The following DLGAP1 variants were observed in gnomAD, a reference collection of about 807,000 sequenced individuals.
DLGAP1 encodes disks large-associated protein 1.
A neutral mutation model predicts 90.8 loss-of-function variants in DLGAP1; 11 were observed. The ratio of observed to expected loss-of-function variants is 0.12; its 90% CI spans 0.08 to 0.20. The LOEUF is 0.20. Among genes scored for constraint, DLGAP1 ranks in the 10% least tolerant of loss-of-function variants. The probability of loss-of-function intolerance (pLI) is 1.00; values close to 1 mark genes in which losing one functional copy is unlikely to be tolerated. For synonymous variants in DLGAP1, 558 were observed against 540.7 expected (o/e 1.03, Z -0.44); for missense variants, 1,050 against 1,333.8 (o/e 0.79, Z 3.31).
chr18:4,341,023 C>T lies in DLGAP1; in HGVS notation c.-267+113983G>A, dbSNP rs115121135. 8.9e-3 allele frequency among the ~76,000 whole-genome samples: 1,355 copies of T among 151,740 alleles called. 22 individuals carry two copies. The highest frequency in any genetic ancestry group is 0.031 in the African/African-American group (1,280 of 41,320). ...ATAAGAGATTACATATGAAATAATG[C>T]TAGTTTTGATATTATTTAAGAGTTA... On this transcript the variant is annotated intron_variant, in intron 1 of 12. Transcript: ENST00000315677.
chr18:3,870,373 T>C (rs2070670123), intron 4 of DLGAP1, among the ~76,000 whole-genome samples: 1 of 152,210 alleles, frequency 6.6e-6, no homozygotes. Flanking sequence ...CACTTTACAA[T>C]ATTTCATGTA....
chr18:3,533,466 C>T (rs928892485), intron 10 of DLGAP1, among the ~76,000 whole-genome samples: 6 of 152,076 alleles, frequency 3.9e-5, no homozygotes, highest in Admixed American at 6.5e-5. Flanking sequence ...GCGGCCTATA[C>T]GTTATAAGCC....
intron 3 of DLGAP1, among the ~76,000 whole-genome samples, chr18:3,966,896 T>C (rs2073343476): frequency 6.6e-6 from 1 of 152,020 alleles, no homozygotes; most frequent in South Asian, 2.1e-4. Context: ...TGAGATCATC[T>C]AGGAATAGAG....
At chr18:3,700,013 G>C (rs1366158156) in intron 7 of DLGAP1, among the ~76,000 whole-genome samples, 2 of 152,214 alleles carry the variant, frequency 1.3e-5, no homozygotes, top group Non-Finnish European at 2.9e-5. Context: ...TCAGGCTGCT[G>C]TTCTGGCAAT....
chr18:3,784,516 T>C (rs1432445833), intron 5 of DLGAP1, among the ~76,000 whole-genome samples: 1 of 152,226 alleles, frequency 6.6e-6, no homozygotes, highest in East Asian at 1.9e-4. Context: ...TGTTCAGGTG[T>C]CCAAATGCTG....
intron 7 of DLGAP1, among the ~76,000 whole-genome samples, chr18:3,618,123 G>A (rs1345099568): frequency 6.6e-6 from 1 of 152,174 alleles, no homozygotes; most frequent in African/African-American, 2.4e-5. Flanking sequence ...TTTGACCAGA[G>A]TCTAACAAAG....
chr18:3,649,257 A>C (rs79664711), intron 7 of DLGAP1, among the ~76,000 whole-genome samples: 322 of 152,318 alleles, frequency 2.1e-3, no homozygotes, highest in African/African-American at 7.5e-3. Flanking sequence ...CTCAAAAAAC[A>C]GACTGGGGGA....
At chr18:4,406,372 T>C (rs939269602) in intron 1 of DLGAP1, among the ~76,000 whole-genome samples, 1 of 152,204 alleles carries the variant, frequency 6.6e-6, no homozygotes, top group African/African-American at 2.4e-5. Context: ...GAAGTCAGCA[T>C]GAATCAGCCT....
chr18:3,531,224 G>C (rs977755609), intron 10 of DLGAP1, among the ~76,000 whole-genome samples: 12 of 152,192 alleles, frequency 7.9e-5, no homozygotes, highest in African/African-American at 2.9e-4. Context: ...ATCACCTGAG[G>C]TCAGGAGTTC....
chr18:4,181,861 G>C (rs1028269649), intron 1 of DLGAP1, among the ~76,000 whole-genome samples: 1 of 152,092 alleles, frequency 6.6e-6, no homozygotes, highest in Non-Finnish European at 1.5e-5. Flanking sequence ...AGTAATAGCA[G>C]TACTACTAAT....
intron 3 of DLGAP1, among the ~76,000 whole-genome samples, chr18:4,002,983 G>T (rs9947160): frequency 0.14 from 20,640 of 152,168 alleles, 3,684 homozygotes; most frequent in African/African-American, 0.41. Flanking sequence ...GCCAGTTGAA[G>T]GTGGATTGTC....
At chr18:3,876,987 G>A (rs966183780) in intron 4 of DLGAP1, among the ~76,000 whole-genome samples, 1 of 152,110 alleles carries the variant, frequency 6.6e-6, no homozygotes, top group Non-Finnish European at 1.5e-5. Flanking sequence ...GGGCATATTA[G>A]AAAGAGCTTG....
At chr18:4,251,786 G>A (rs1294504082) in intron 1 of DLGAP1, among the ~76,000 whole-genome samples, 2 of 152,226 alleles carry the variant, frequency 1.3e-5, no homozygotes, top group Non-Finnish European at 2.9e-5. Context: ...TGCTACCCCT[G>A]CAGGAGGAAG....
At chr18:3,599,667 T>C (rs2145695387) in intron 7 of DLGAP1, among the ~76,000 whole-genome samples, 1 of 152,298 alleles carries the variant, frequency 6.6e-6, no homozygotes, top group East Asian at 1.9e-4. Context: ...GTTGTCAGGC[T>C]AGAGTGTAGT....
chr18:4,153,951 G>A (rs2076713682), intron 1 of DLGAP1, among the ~76,000 whole-genome samples: 2 of 152,170 alleles, frequency 1.3e-5, no homozygotes, highest in African/African-American at 4.8e-5. Context: ...GGTAAACCAT[G>A]GAGAAGGAAG....
chr18:4,394,860 G>A (rs923773002), intron 1 of DLGAP1, among the ~76,000 whole-genome samples: 1 of 152,090 alleles, frequency 6.6e-6, no homozygotes, highest in Admixed American at 6.6e-5. Context: ...CTCGTCTATT[G>A]AAAATAAGGC....
At chr18:3,846,846 T>C (rs1248273051) in intron 4 of DLGAP1, among the ~76,000 whole-genome samples, 2 of 152,052 alleles carry the variant, frequency 1.3e-5, no homozygotes, top group African/African-American at 4.8e-5. Flanking sequence ...CTTATTGGAG[T>C]GAAGAAAATA....
intron 6 of DLGAP1, among the ~76,000 whole-genome samples, chr18:3,734,760 T>C (rs1268634099): frequency 2.6e-5 from 4 of 152,220 alleles, no homozygotes; most frequent in Non-Finnish European, 5.9e-5. Context: ...CAAGATTCTT[T>C]TGGGTTATCT....
chr18:3,879,703 C>A lies in DLGAP1; in HGVS notation c.366G>T (p.Gln122His). Residue 122 changes from glutamine to histidine, a missense_variant, in exon 4 of 13, where the codon CAG becomes CAT. Physicochemically the swap from Gln to His is conservative, Grantham distance 24 (BLOSUM62 0). Transcript: ENST00000315677. This position sits in a 1 kb window ranked among gnomAD's most constrained non-coding sequence, Gnocchi z 6.6. ...PLSRDGYHTL[Q>H]YKRTAVEHRS... ...GGTGCTCCACGGCCGTGCGCTTGTA[C>A]TGCAGGGTGTGATAGCCATCGCGGC... 1 of 1,608,586 alleles carries A rather than the reference C, an allele frequency of 6.2e-7. No individual in the cohort carries two copies. The highest frequency in any genetic ancestry group is 1.6e-4 in the Middle Eastern group (1 of 6,062).
Sources: gnomAD v4.1 joint callset for allele counts (sites outside exome capture counted in the v4.1 genomes callset) on GRCh38, gnomAD v4.1.1 for gene constraint, Gnocchi (gnomAD v3.1) non-coding constraint, MANE v1.5 for transcripts, NCBI Gene and HGNC (gene_info 2026-07-23, HGNC 2026-07-21) for gene names.